PCDHA6: variants seen among roughly 807,000 people sequenced by gnomAD.
PCDHA6 encodes the protein protocadherin alpha 6.
Under a neutral mutation model 60.3 loss-of-function variants are expected in PCDHA6, and 55 were observed. The observed-to-expected ratio is 0.91, with a 90% CI of 0.73 to 1.14. PCDHA6 has a LOEUF of 1.14. Ranked by LOEUF, PCDHA6 falls within the 50% of genes most tolerant of loss-of-function variation. The pLI is 0.00. For synonymous variants in PCDHA6, 652 were observed against 557.9 expected (o/e 1.17, Z -2.38); for missense variants, 1,327 against 1,256.5 (o/e 1.06, Z -0.85).
In PCDHA6 at chr5:140,843,766, GT is replaced by G. The variant is rs2150366471; in HGVS notation, c.2394+13283del. ...ATAAATTCTATTTGTGGAAATTGTA[GT>G]TACTTTAAAAGTGTTTCAGATTTAG... On this transcript the variant is annotated intron_variant, in intron 1 of 3. Coordinates refer to ENST00000529310, the MANE Select transcript of PCDHA6 (RefSeq NM_018909.4). 2.9e-5 allele frequency: 43 copies of G among 1,487,836 alleles called. 4 individuals carry two copies. Among genetic ancestry groups the G allele is most frequent in the Non-Finnish European group, 3.7e-5 (40 of 1,082,784 alleles). 92.2% of individuals were successfully genotyped at this position (1,487,836 alleles called of 1,614,324 possible). A position where few individuals can be genotyped will look rare whatever the true frequency, so the allele number is the denominator to read the frequency against.
At chr5:140,847,826 A>C (rs914616937) in intron 1 of PCDHA6, 1 of 149,784 alleles carries the variant, frequency 6.7e-6, no homozygotes, top group Non-Finnish European at 1.5e-5. Context: ...TACTCAAGAA[A>C]ACTACCTCAG....
chr5:140,932,474 A>G (rs1444534569), intron 1 of PCDHA6, among the ~76,000 whole-genome samples: 1 of 151,904 alleles, frequency 6.6e-6, no homozygotes, highest in African/African-American at 2.4e-5. Context: ...AGGAAATAGG[A>G]TATCTCCTCT....
intron 1 of PCDHA6, chr5:140,929,151 T>C: frequency 6.2e-7 from 1 of 1,614,202 alleles, no homozygotes; most frequent in East Asian, 2.2e-5. Context: ...TTTCTCAGAC[T>C]TATCTCTATC....
intron 1 of PCDHA6, among the ~76,000 whole-genome samples, chr5:140,832,806 T>C (rs1420120359): frequency 2.0e-5 from 3 of 152,174 alleles, no homozygotes; most frequent in Non-Finnish European, 2.9e-5. Context: ...GTTATTGGAA[T>C]TGGAAAAAAA....
At chr5:140,914,290 T>A (rs1412561039) in intron 1 of PCDHA6, among the ~76,000 whole-genome samples, 1 of 152,200 alleles carries the variant, frequency 6.6e-6, no homozygotes, top group Non-Finnish European at 1.5e-5. Context: ...AATTGTTATA[T>A]CCTCTTGCTG....
chr5:140,968,802 C>T, intron 1 of PCDHA6: 1 of 1,614,218 alleles, frequency 6.2e-7, no homozygotes. Flanking sequence ...ATTACAGTAG[C>T]TGTGGTGGAT....
intron 1 of PCDHA6, among the ~76,000 whole-genome samples, chr5:140,886,040 C>T (rs533442744): frequency 9.2e-5 from 14 of 152,118 alleles, no homozygotes; most frequent in Non-Finnish European, 1.9e-4. Context: ...AAGTTTTCCC[C>T]AATAGTAACA....
chr5:140,883,806 A>T (rs1554180079), intron 1 of PCDHA6: 1 of 1,612,344 alleles, frequency 6.2e-7, no homozygotes, highest in East Asian at 2.2e-5. Flanking sequence ...GTGCACGCGG[A>T]GAGCGGCAAG....
At chr5:140,897,340 C>G (rs1326802877) in intron 1 of PCDHA6, among the ~76,000 whole-genome samples, 1 of 122,842 alleles carries the variant, frequency 8.1e-6, no homozygotes, top group African/African-American at 3.1e-5. Flanking sequence ...CCCCTCCCCC[C>G]ACCCCACAAC....
At chr5:140,846,526 C>T (rs1554141357) in intron 1 of PCDHA6, among the ~76,000 whole-genome samples, 1 of 148,306 alleles carries the variant, frequency 6.7e-6, no homozygotes, top group Non-Finnish European at 1.5e-5. Context: ...AGGTGCATGC[C>T]ACCATGCCCT....
intron 1 of PCDHA6, chr5:140,841,711 GC>G (rs2150321418): frequency 1.9e-6 from 3 of 1,613,890 alleles, no homozygotes; most frequent in Non-Finnish European, 1.7e-6. Context: ...ATGACAACCC[GC>G]CAGTGTTCCG....
chr5:140,835,129 T>C, intron 1 of PCDHA6: 1 of 1,358,528 alleles, frequency 7.4e-7, no homozygotes, highest in Non-Finnish European at 1.0e-6. Context: ...CTGTATACGG[T>C]GAAATTACCA....
intron 1 of PCDHA6, among the ~76,000 whole-genome samples, chr5:140,922,827 A>G (rs2081011863): frequency 1.3e-5 from 2 of 152,244 alleles, no homozygotes; most frequent in South Asian, 4.1e-4. Context: ...GCATACTGCT[A>G]ATAGATGTCC....
In PCDHA6 at chr5:140,856,514, G is replaced by C. The variant is rs781942781; in HGVS notation, c.2394+26029G>C. 1 of 1,598,422 alleles carries C rather than the reference G, an allele frequency of 6.3e-7. No individual in the cohort carries two copies. The highest frequency in any genetic ancestry group is 1.3e-5 in the African/African-American group (1 of 74,442). On this transcript the variant is annotated intron_variant, in intron 1 of 3. Coordinates refer to ENST00000529310, the MANE Select transcript of PCDHA6 (RefSeq NM_018909.4). ...TGACTCTCGATTTCCACTAGAAGGC[G>C]CATCTGATGCGGATGTTGGAGAGAA... is the stretch of plus-strand genomic sequence containing the variant.
At position 140,830,179 on chromosome 5, in the gene PCDHA6, C is replaced by T. The variant is rs2150182453; in HGVS notation, c.2088C>T (p.Val696=). The T allele has an allele frequency of 6.2e-6, 10 of 1,613,648 alleles. No homozygotes were observed. In the South Asian group the frequency reaches 9.9e-5, roughly 16 times the overall value. The change falls in exon 1 of 4, where the codon GTC becomes GTT. Residue 696 remains valine, a synonymous_variant. Transcript: ENST00000529310. The part of the protein sequence containing the change: ...AAGPEAALVD[V]NVYLIIAICA... ...GCCCAGAGGCGGCGCTGGTGGATGT[C>T]AACGTGTACCTGATCATCGCCATCT...
intron 1 of PCDHA6, among the ~76,000 whole-genome samples, chr5:140,893,276 G>A (rs1554185570): frequency 6.6e-6 from 1 of 152,164 alleles, no homozygotes; most frequent in African/African-American, 2.4e-5. Context: ...TAGTGGAATT[G>A]CTGGATGATA....
intron 1 of PCDHA6, chr5:140,870,020 C>CT (rs2051592109): frequency 6.2e-7 from 1 of 1,613,394 alleles, no homozygotes; most frequent in Admixed American, 1.7e-5. Context: ...GTCAATGGAA[C>CT]TTTAGATTAT....
intron 1 of PCDHA6, among the ~76,000 whole-genome samples, chr5:140,938,299 A>T (rs995168721): frequency 1.3e-5 from 2 of 152,192 alleles, no homozygotes; most frequent in Admixed American, 6.5e-5. Flanking sequence ...TTGCCTATGA[A>T]ATTCAGTATA....
In PCDHA6 at chr5:140,990,740, G is replaced by C. The variant is rs76434886; in HGVS notation, c.2542+8177G>C. Among the ~76,000 whole-genome samples the C allele has an allele frequency of 8.5e-3, 1,294 of 152,288 alleles. 21 individuals carry two copies. Among genetic ancestry groups the C allele is most frequent in the African/African-American group, 0.029 (1,222 of 41,552 alleles). ...ATCACTAGGTATATCAACAGCCCTA[G>C]GGTGGATACCTTTGAGCCTGTAAAT... On this transcript the variant is annotated intron_variant, in intron 3 of 3. Coordinates refer to ENST00000529310, the MANE Select transcript of PCDHA6 (RefSeq NM_018909.4).
Sources: allele counts gnomAD v4.1 joint callset (sites outside exome capture counted in the v4.1 genomes callset), GRCh38; gene constraint gnomAD v4.1.1; transcripts MANE v1.5; gene names NCBI Gene and HGNC (gene_info 2026-07-23, HGNC 2026-07-21).